The following OTUD7A variants were observed in gnomAD, a reference collection of about 807,000 sequenced individuals.
The protein encoded by OTUD7A is OTU deubiquitinase 7A.
In OTUD7A, 12 loss-of-function variants were observed where a neutral mutation model predicts 65.7. The observed-to-expected ratio is 0.18, with a 90% CI of 0.12 to 0.30. The LOEUF (loss-of-function observed/expected upper bound fraction) is 0.30. OTUD7A is among the 10% of genes least tolerant of loss of function. OTUD7A has a pLI of 1.00. For missense variants in OTUD7A, 1,148 were observed against 1,304.8 expected (o/e 0.88, Z 1.85); for synonymous variants, 641 against 586.3 (o/e 1.09, Z -1.35).
At chr15:31,711,003 G>A (rs1346819479) in intron 1 of OTUD7A, among the ~76,000 whole-genome samples, 1 of 151,956 alleles carries the variant, frequency 6.6e-6, no homozygotes, top group Non-Finnish European at 1.5e-5. Flanking sequence ...ACACTCACCT[G>A]AGGAGCATGT....
At chr15:31,522,290 C>T (rs1194849993) in intron 8 of OTUD7A, among the ~76,000 whole-genome samples, 6 of 152,284 alleles carry the variant, frequency 3.9e-5, no homozygotes, top group Admixed American at 2.0e-4. Context: ...TGGCGGAGGG[C>T]GGAATAACCA....
rs181008804 is a variant in OTUD7A at position 31,608,343 on chromosome 15, G to A, written c.152-38146C>T. Among the ~76,000 whole-genome samples the A allele has an allele frequency of 4.6e-5, 7 of 152,262 alleles. No homozygotes were observed. The East Asian group carries it at 5.8e-4, about 13-fold the overall frequency. ...ATAGATGAACTAAAAATAAGAACTC[G>A]GTGCATATGGTTAAGAGCTGACTGG... On this transcript the variant is annotated intron_variant, in intron 3 of 12. Transcript: ENST00000307050.
At chr15:31,662,521 G>T (rs917688536) in intron 1 of OTUD7A, among the ~76,000 whole-genome samples, 1 of 152,206 alleles carries the variant, frequency 6.6e-6, no homozygotes, top group Non-Finnish European at 1.5e-5. Context: ...TAGTGTAGCT[G>T]ATAGAGTCTT....
chr15:31,663,987 T>G (rs1470323200), intron 1 of OTUD7A, among the ~76,000 whole-genome samples: 1 of 152,250 alleles, frequency 6.6e-6, no homozygotes, highest in Non-Finnish European at 1.5e-5. Flanking sequence ...TCCAGGTCAC[T>G]GCAAATGATG....
At chr15:31,557,553 C>T (rs1035783996) in intron 5 of OTUD7A, 1 of 152,324 alleles carries the variant, frequency 6.6e-6, no homozygotes, top group Non-Finnish European at 1.5e-5. Context: ...CCGGATGCCA[C>T]ACCTACTGCC....
In OTUD7A at chr15:31,686,779, C is replaced by T. The variant is rs1012471609; in HGVS notation, c.-99-29702G>A. 3.3e-5 allele frequency among the ~76,000 whole-genome samples: 5 copies of T among 152,126 alleles called. No homozygotes were observed. In the South Asian group the frequency reaches 6.2e-4, roughly 19 times the overall value. On this transcript the variant is annotated intron_variant, in intron 1 of 12. Coordinates refer to ENST00000307050, the MANE Select transcript of OTUD7A (RefSeq NM_001382637.1). ...CAGGGCCATCCCTTCAAGCTCAGCC[C>T]GACAAGAAGCCAACAGAAAGCATGT... is the stretch of plus-strand genomic sequence containing the variant.
Position 31,781,740 on chromosome 15 carries a change from C to G in OTUD7A, c.-100+88767G>C, listed in dbSNP as rs546740169. Among the ~76,000 whole-genome samples the G allele has an allele frequency of 1.1e-4, 17 of 152,326 alleles. No homozygotes were observed. In the South Asian group the frequency reaches 3.1e-3, roughly 28 times the overall value. ...ACACAAAGCCACTAATCTCACCCAT[C>G]ATTGACTGATTTCACCATCATCCTA... On this transcript the variant is annotated intron_variant, in intron 1 of 12. Transcript: ENST00000307050.
intron 5 of OTUD7A, among the ~76,000 whole-genome samples, chr15:31,545,667 T>C (rs1158070691): frequency 1.3e-5 from 2 of 152,000 alleles, no homozygotes; most frequent in African/African-American, 4.8e-5. Flanking sequence ...TTACTAGTCA[T>C]CAGAAAATAA....
intron 8 of OTUD7A, among the ~76,000 whole-genome samples, chr15:31,521,869 C>T (rs901916013): frequency 9.9e-5 from 15 of 152,232 alleles, no homozygotes; most frequent in African/African-American, 3.6e-4. Flanking sequence ...CTCTCTTCTC[C>T]TCTTTGTCTG....
intron 3 of OTUD7A, among the ~76,000 whole-genome samples, chr15:31,613,775 C>T (rs1833590878): frequency 6.6e-6 from 1 of 151,952 alleles, no homozygotes; most frequent in South Asian, 2.1e-4. Flanking sequence ...TTTGATCTAG[C>T]AATCTCACTA....
chr15:31,507,071 ATTT>A (rs879277101), intron 8 of OTUD7A, among the ~76,000 whole-genome samples: 16 of 152,162 alleles, frequency 1.1e-4, no homozygotes, highest in Non-Finnish European at 2.9e-5. Context: ...TCTGTCTTTA[ATTT>A]TTTATTTTTA....
chr15:31,679,047 G>A (rs1349252479), intron 1 of OTUD7A, among the ~76,000 whole-genome samples: 6 of 152,258 alleles, frequency 3.9e-5, no homozygotes, highest in Non-Finnish European at 8.8e-5. Flanking sequence ...CTGGATGTGA[G>A]ACATGGAGTC....
At chr15:31,753,684 GAGATATATATAT>G (rs1894704537) in intron 1 of OTUD7A, among the ~76,000 whole-genome samples, 1 of 61,176 alleles carries the variant, frequency 1.6e-5, no homozygotes, top group African/African-American at 7.9e-5. Context: ...TATAACCTGT[GAGATATATATAT>G]ATATATTATA....
chr15:31,756,968 T>C (rs985529452), intron 1 of OTUD7A, among the ~76,000 whole-genome samples: 2 of 152,142 alleles, frequency 1.3e-5, no homozygotes, highest in Non-Finnish European at 2.9e-5. Context: ...AACCATCCTC[T>C]TCCTCAAAGC....
At chr15:31,846,265 G>A (rs1422026021) in intron 1 of OTUD7A, among the ~76,000 whole-genome samples, 1 of 152,222 alleles carries the variant, frequency 6.6e-6, no homozygotes, top group African/African-American at 2.4e-5. Context: ...TCCACCAGAT[G>A]GGTAAGTTGG....
At chr15:31,847,549 G>C (rs1897319116) in intron 1 of OTUD7A, among the ~76,000 whole-genome samples, 1 of 152,188 alleles carries the variant, frequency 6.6e-6, no homozygotes, top group South Asian at 2.1e-4. Context: ...GCAGGGCTCT[G>C]TGGGGGCACT....
At chr15:31,602,760 G>C (rs1053346841) in intron 3 of OTUD7A, among the ~76,000 whole-genome samples, 1 of 151,928 alleles carries the variant, frequency 6.6e-6, no homozygotes, top group Non-Finnish European at 1.5e-5. Flanking sequence ...GCGAAATCTC[G>C]GGATACAAAA....
intron 1 of OTUD7A, among the ~76,000 whole-genome samples, chr15:31,674,114 C>T (rs1892544127): frequency 3.3e-5 from 5 of 152,262 alleles, no homozygotes; most frequent in African/African-American, 1.2e-4. Context: ...AAGAAAGGAA[C>T]AGTTCTCTGT....
chr15:31,548,647 T>A (rs1888215118), intron 5 of OTUD7A, among the ~76,000 whole-genome samples: 1 of 152,070 alleles, frequency 6.6e-6, no homozygotes, highest in Non-Finnish European at 1.5e-5. Context: ...TAAAATGGCG[T>A]ATAATACACC....
Sources: allele counts gnomAD v4.1 joint callset (sites outside exome capture counted in the v4.1 genomes callset), GRCh38; gene constraint gnomAD v4.1.1; transcripts MANE v1.5; gene names NCBI Gene and HGNC (gene_info 2026-07-23, HGNC 2026-07-21).